MYLK: variants seen among roughly 807,000 people sequenced by gnomAD.
MYLK encodes the protein myosin light chain kinase, also known as myosin light chain kinase, smooth muscle.
Under a neutral mutation model 203.4 loss-of-function variants are expected in MYLK, and 106 were observed. The observed-to-expected ratio is 0.52, with a 90% CI of 0.45 to 0.61. The LOEUF (loss-of-function observed/expected upper bound fraction) is 0.61, where lower values mean the gene tolerates loss of function less well. MYLK is among the 20% of genes least tolerant of loss of function. MYLK has a pLI of 0.00. For synonymous variants in MYLK, 867 were observed against 959.5 expected, an observed-to-expected ratio of 0.90 and a Z score of 1.78; for missense variants, 2,072 against 2,442.3, an observed-to-expected ratio of 0.85 and a Z score of 3.20.
chr3:123,763,401 T>C (rs1028871131), intron 4 of MYLK, among the ~76,000 whole-genome samples: 2 of 152,216 alleles, frequency 1.3e-5, no homozygotes, highest in Admixed American at 1.3e-4. Flanking sequence ...CTTGGAAATT[T>C]CTCATTCTAT....
intron 24 of MYLK, among the ~76,000 whole-genome samples, chr3:123,655,047 C>A (rs976254939): frequency 1.3e-5 from 2 of 152,136 alleles, no homozygotes; most frequent in Non-Finnish European, 1.5e-5. Flanking sequence ...TGTCCTTTTC[C>A]TGTTCTTCAC....
intron 3 of MYLK, among the ~76,000 whole-genome samples, chr3:123,803,091 C>T (rs949238780): frequency 1.6e-4 from 25 of 152,294 alleles, no homozygotes; most frequent in South Asian, 4.1e-4. Flanking sequence ...GAACAAGAAC[C>T]GAGCTCATGG....
rs776858093 is a variant in MYLK, at chr3:123,708,763, G to A, written c.2075C>T (p.Thr692Met). 18 of 1,614,062 alleles carry A rather than the reference G, an allele frequency of 1.1e-5. No homozygotes were observed. Among genetic ancestry groups the A allele is most frequent in the East Asian group, 1.1e-4 (5 of 44,898 alleles). The change falls in exon 15 of 34, where the codon ACG (threonine) becomes ATG (methionine). Residue 692 changes from threonine to methionine, a missense_variant. Around this residue, in one of 3 missense-constraint regions of MYLK, gnomAD observed 865 missense variants for 1,016.0 expected, o/e 0.85. Coordinates refer to ENST00000360304, the MANE Select transcript of MYLK (RefSeq NM_053025.4). ...IQEVFPEDTGTYTCEAWNSAG... is the reference protein window; with the variant it reads ...IQEVFPEDTGMYTCEAWNSAG... ...GCTGTTCCAGGCCTCGCAGGTGTAC[G>A]TGCCCGTGTCCTCCGGGAACACTTC... is the stretch of plus-strand genomic sequence containing the variant.
chr3:123,763,174 T>C (rs2063589191), intron 4 of MYLK, among the ~76,000 whole-genome samples: 3 of 152,256 alleles, frequency 2.0e-5, no homozygotes, highest in African/African-American at 7.2e-5. Context: ...ACTGCTTTAC[T>C]TTGATATCCT....
intron 4 of MYLK, among the ~76,000 whole-genome samples, chr3:123,757,152 A>C (rs1215112437): frequency 6.6e-6 from 1 of 152,226 alleles, no homozygotes; most frequent in Non-Finnish European, 1.5e-5. Context: ...AATGACTAAA[A>C]GCAAAACATC....
At chr3:123,718,642 G>C (rs1034873317) in intron 13 of MYLK, among the ~76,000 whole-genome samples, 1 of 152,034 alleles carries the variant, frequency 6.6e-6, no homozygotes, top group Admixed American at 6.5e-5. Context: ...CCAGGCCATG[G>C]ACACCTCTGA....
chr3:123,757,221 T>A (rs772644282), intron 4 of MYLK, among the ~76,000 whole-genome samples: 1 of 152,222 alleles, frequency 6.6e-6, no homozygotes, highest in African/African-American at 2.4e-5. Flanking sequence ...TTTCAACTTA[T>A]CCTCAGTTGC....
intron 7 of MYLK, among the ~76,000 whole-genome samples, 192 bp from the exon 8 acceptor site, chr3:123,737,735 T>C (rs2062728462): frequency 6.6e-6 from 1 of 152,178 alleles, no homozygotes; most frequent in Non-Finnish European, 1.5e-5. Flanking sequence ...GGTCTGTGGA[T>C]GTGGTGTGGT....
chr3:123,670,011 G>A (rs1169173084), intron 20 of MYLK, among the ~76,000 whole-genome samples: 3 of 144,814 alleles, frequency 2.1e-5, no homozygotes, highest in Admixed American at 6.9e-5. Context: ...CTCCAGCCTG[G>A]GTGACAGAGC....
At chr3:123,687,237 A>C (rs1347715291) in intron 19 of MYLK, among the ~76,000 whole-genome samples, 2 of 152,146 alleles carry the variant, frequency 1.3e-5, no homozygotes, top group African/African-American at 4.8e-5. Context: ...TAAATAAATA[A>C]ATAAATGTGG....
Position 123,677,918 on chromosome 3 carries a change from T to TATATATATATATATAC in MYLK, c.3652+4305_3652+4306insGTATATATATATATAT, listed in dbSNP as rs1273803739. On this transcript the variant is annotated intron_variant, in intron 20 of 33. Transcript: ENST00000360304. ...ATATATATATATATATATATATATA[T>TATATATATATATATAC]ACACACACACACACACAGAGTACAT... Among the ~76,000 whole-genome samples the TATATATATATATATAC allele has an allele frequency of 3.0e-3, 237 of 78,702 alleles. 1 individual carries two copies. Among genetic ancestry groups the TATATATATATATATAC allele is most frequent in the Non-Finnish European group, 4.0e-3 (180 of 44,924 alleles). The allele number at this position is 78,702 out of a possible 152,430, so 51.6% of individuals were successfully genotyped here.
intron 31 of MYLK, among the ~76,000 whole-genome samples, chr3:123,626,124 A>G (rs916460270): frequency 6.6e-6 from 1 of 152,222 alleles, no homozygotes; most frequent in African/African-American, 2.4e-5. Flanking sequence ...GTGCATAGAT[A>G]GTGCTTTAAA....
chr3:123,697,866 G>T (rs1323184184), intron 18 of MYLK, among the ~76,000 whole-genome samples: 2 of 152,076 alleles, frequency 1.3e-5, no homozygotes, highest in Non-Finnish European at 2.9e-5. Flanking sequence ...CATTTCTTCT[G>T]CTGCTGCTCT....
At chr3:123,878,889 G>A (rs895586255) in intron 1 of MYLK, among the ~76,000 whole-genome samples, 11 of 152,282 alleles carry the variant, frequency 7.2e-5, no homozygotes, top group East Asian at 5.8e-4. Context: ...GTTTCACCAC[G>A]TTGGTCAGGC....
At chr3:123,857,704 G>A (rs945314175) in intron 2 of MYLK, among the ~76,000 whole-genome samples, 12 of 151,404 alleles carry the variant, frequency 7.9e-5, no homozygotes, top group Admixed American at 5.9e-4. Context: ...GCTAGATGAC[G>A]AGTTAGTGGG....
intron 3 of MYLK, among the ~76,000 whole-genome samples, chr3:123,826,451 A>G (rs1273928912): frequency 6.6e-6 from 1 of 152,224 alleles, no homozygotes; most frequent in Non-Finnish European, 1.5e-5. Context: ...GCAGGCAACC[A>G]TGCAGCTGTG....
At chr3:123,633,196 G>A (rs2058508067) in intron 29 of MYLK, among the ~76,000 whole-genome samples, 1 of 151,916 alleles carries the variant, frequency 6.6e-6, no homozygotes, top group South Asian at 2.1e-4. Flanking sequence ...CGTGATCATG[G>A]CTCATTGCAG....
rs894490375 is a variant in MYLK, at chr3:123,779,107, A to G, written c.165+14570T>C. 3.3e-5 allele frequency among the ~76,000 whole-genome samples: 5 copies of G among 152,334 alleles called. No individual in the cohort carries two copies. In the East Asian group the frequency reaches 9.7e-4, roughly 29 times the overall value. ...TGCATGTGGGGGACTGACTGGCGCC[A>G]GTCTGCTCCAGAAACAGTCTTTCCC... On this transcript the variant is annotated intron_variant, in intron 4 of 33. Transcript: ENST00000360304.
chr3:123,832,552 C>G (rs935377418), intron 2 of MYLK, among the ~76,000 whole-genome samples: 5 of 152,334 alleles, frequency 3.3e-5, no homozygotes, highest in African/African-American at 1.2e-4. Context: ...TATGTTGAAT[C>G]TTAATCCCTG....
Sources: allele counts gnomAD v4.1 joint callset (sites outside exome capture counted in the v4.1 genomes callset), GRCh38; gene constraint gnomAD v4.1.1; regional missense constraint gnomAD v4.1.1; transcripts MANE v1.5; gene names NCBI Gene and HGNC (gene_info 2026-07-23, HGNC 2026-07-21).